The following LRP1B variants were observed in gnomAD, a reference collection of about 807,000 sequenced individuals.
LRP1B encodes low-density lipoprotein receptor-related protein 1B.
A neutral mutation model predicts 556.6 loss-of-function variants in LRP1B; 217 were observed. The observed-to-expected ratio is 0.39, with a 90% CI of 0.35 to 0.44. The LOEUF (loss-of-function observed/expected upper bound fraction) is 0.44, where lower values mean the gene tolerates loss of function less well. LRP1B is among the 20% of genes least tolerant of loss of function. The pLI is 1.00. For synonymous variants in LRP1B, 2,047 were observed against 1,865.8 expected, an observed-to-expected ratio of 1.10 and a Z score of -2.50; for missense variants, 5,053 against 5,620.8, an observed-to-expected ratio of 0.90 and a Z score of 3.23.
At chr2:141,684,669 T>C (rs1168386349) in intron 2 of LRP1B, among the ~76,000 whole-genome samples, 1 of 152,070 alleles carries the variant, frequency 6.6e-6, no homozygotes, top group Non-Finnish European at 1.5e-5. Flanking sequence ...GATGAATTCC[T>C]TAGCCATCTC....
intron 2 of LRP1B, among the ~76,000 whole-genome samples, chr2:141,796,845 CCTT>C (rs1296568274): frequency 6.6e-6 from 1 of 151,476 alleles, no homozygotes; most frequent in African/African-American, 2.4e-5. Context: ...TGAAATGAAA[CCTT>C]CTTCAGGGTC....
intron 2 of LRP1B, among the ~76,000 whole-genome samples, chr2:141,760,465 C>A (rs547988926): frequency 6.6e-6 from 1 of 152,032 alleles, no homozygotes; most frequent in East Asian, 1.9e-4. Context: ...CATATTTGTT[C>A]AAAATATTTA....
At chr2:141,324,493 T>C (rs968355328) in intron 3 of LRP1B, among the ~76,000 whole-genome samples, 5 of 152,148 alleles carry the variant, frequency 3.3e-5, no homozygotes, top group African/African-American at 1.2e-4. Flanking sequence ...AATTCAATTT[T>C]TAAATATCAG....
intron 1 of LRP1B, among the ~76,000 whole-genome samples, chr2:141,899,179 A>G (rs1699543815): frequency 6.6e-6 from 1 of 152,146 alleles, no homozygotes; most frequent in Admixed American, 6.6e-5. Flanking sequence ...ATCTAAAGAG[A>G]CAAGCTAATA....
intron 1 of LRP1B, among the ~76,000 whole-genome samples, chr2:142,034,783 G>A (rs1325800031): frequency 6.6e-6 from 1 of 151,692 alleles, no homozygotes; most frequent in African/African-American, 2.4e-5. Flanking sequence ...ATAATGGCTA[G>A]CCACCACACT....
At chr2:141,580,892 T>C (rs1408454441) in intron 2 of LRP1B, among the ~76,000 whole-genome samples, 1 of 151,210 alleles carries the variant, frequency 6.6e-6, no homozygotes, top group Non-Finnish European at 1.5e-5. Flanking sequence ...CACATTGAAA[T>C]GTAAACAGAT....
chr2:140,840,813 G>T, intron 30 of LRP1B, 105 bp downstream of exon 30: 1 of 770,256 alleles, frequency 1.3e-6, no homozygotes, highest in Non-Finnish European at 2.0e-6. Flanking sequence ...TAACTCTTAT[G>T]GCTGTTATAT....
intron 11 of LRP1B, among the ~76,000 whole-genome samples, chr2:141,021,293 GTAACCCT>G (rs1418417452): frequency 6.6e-6 from 1 of 151,896 alleles, no homozygotes; most frequent in Non-Finnish European, 1.5e-5. Context: ...ATTTTCCCTT[GTAACCCT>G]TGTTGCTAAT....
chr2:141,436,788 G>C (rs757975675), intron 3 of LRP1B, among the ~76,000 whole-genome samples: 2 of 152,110 alleles, frequency 1.3e-5, no homozygotes, highest in Non-Finnish European at 1.5e-5. Context: ...AAATAGAGGA[G>C]GTGGGAGGGA....
At chr2:142,079,037 G>T (rs1705615046) in intron 1 of LRP1B, among the ~76,000 whole-genome samples, 1 of 151,980 alleles carries the variant, frequency 6.6e-6, no homozygotes, top group Admixed American at 6.6e-5. Context: ...TTCCATTAAT[G>T]GAAATATTTT....
intron 3 of LRP1B, among the ~76,000 whole-genome samples, chr2:141,408,330 G>C (rs1381223550): frequency 6.6e-6 from 1 of 151,732 alleles, no homozygotes; most frequent in Non-Finnish European, 1.5e-5. Flanking sequence ...ATTTTTAGTA[G>C]AGATGGCGTT....
At chr2:141,178,641 T>C (rs1680847426) in intron 7 of LRP1B, among the ~76,000 whole-genome samples, 1 of 152,116 alleles carries the variant, frequency 6.6e-6, no homozygotes. Context: ...CAACTGTTCC[T>C]TGGAAATGCA....
intron 41 of LRP1B, among the ~76,000 whole-genome samples, chr2:140,622,190 T>G (rs1683482254): frequency 6.6e-6 from 1 of 152,218 alleles, no homozygotes. Flanking sequence ...AAGTGCAATA[T>G]GTTTGATTCA....
intron 3 of LRP1B, among the ~76,000 whole-genome samples, chr2:141,328,391 T>A (rs887650151): frequency 6.6e-6 from 1 of 152,238 alleles, no homozygotes; most frequent in African/African-American, 2.4e-5. Context: ...ACCATGCTTA[T>A]CATCTGGTAA....
chr2:141,700,767 T>A (rs1223601214), intron 2 of LRP1B, among the ~76,000 whole-genome samples: 1 of 151,794 alleles, frequency 6.6e-6, no homozygotes, highest in East Asian at 1.9e-4. Context: ...AAGGAGAACT[T>A]GTGCTTGATG....
intron 1 of LRP1B, among the ~76,000 whole-genome samples, chr2:142,125,040 AAG>A (rs1374593967): frequency 2.0e-5 from 3 of 151,828 alleles, no homozygotes; most frequent in Non-Finnish European, 3.0e-5. Context: ...GATGGAGAGA[AAG>A]AGAGATGGAG....
intron 7 of LRP1B, among the ~76,000 whole-genome samples, chr2:141,169,026 C>G (rs1345405524): frequency 1.3e-5 from 2 of 151,818 alleles, no homozygotes; most frequent in East Asian, 3.9e-4. Context: ...TGGCTCAGGC[C>G]TATAATCCCA....
chr2:141,680,746 A>T (rs1435993617), intron 2 of LRP1B, among the ~76,000 whole-genome samples: 1 of 152,172 alleles, frequency 6.6e-6, no homozygotes, highest in Non-Finnish European at 1.5e-5. Context: ...CAAAATTTCT[A>T]GGAAGTGTTG....
intron 51 of LRP1B, among the ~76,000 whole-genome samples, chr2:140,513,439 ATTTATTT>A (rs1239362448): frequency 6.6e-6 from 1 of 152,082 alleles, no homozygotes; most frequent in Non-Finnish European, 1.5e-5. Context: ...CTTTTATTAA[ATTTATTT>A]TTAAAAGTAA....
Sources: allele counts gnomAD v4.1 joint callset (sites outside exome capture counted in the v4.1 genomes callset), GRCh38; gene constraint gnomAD v4.1.1; transcripts MANE v1.5; gene names NCBI Gene and HGNC (gene_info 2026-07-23, HGNC 2026-07-21).